Variants in THTPA observed in about 807,000 individuals in gnomAD.
THTPA encodes the protein thiamine triphosphatase, also known as thiamine-triphosphatase.
In THTPA, 16 loss-of-function variants were observed where a neutral mutation model predicts 16.5. The observed-to-expected ratio is 0.97, with a 90% CI of 0.66 to 1.47. The LOEUF is 1.47. THTPA is among the 40% of genes most tolerant of loss of function. The probability of loss-of-function intolerance (pLI) is 0.00; values close to 1 mark genes in which losing one functional copy is unlikely to be tolerated. For synonymous variants in THTPA, 110 were observed against 115.5 expected (o/e 0.95, Z 0.30); for missense variants, 281 against 280.9 (o/e 1.00, Z 0.00).
chr14:23,556,265 C>G, upstream of THTPA: 1 of 155,394 alleles, frequency 6.4e-6, no homozygotes, highest in Non-Finnish European at 1.4e-5. Flanking sequence ...CGGAACTGCT[C>G]CCGGCATTCC....
the THTPA span, among the ~76,000 whole-genome samples, chr14:23,539,642 C>T: frequency 1.3e-5 from 2 of 152,148 alleles, no homozygotes; most frequent in Non-Finnish European, 2.9e-5. Flanking sequence ...GGAGCCATGT[C>T]GTGGATTCAG....
chr14:23,525,095 G>T, the THTPA span: 1 of 1,536,186 alleles, frequency 6.5e-7, no homozygotes, highest in Non-Finnish European at 8.7e-7. This position sits in a 1 kb window ranked among gnomAD's most constrained non-coding sequence, Gnocchi z 5.9. Context: ...GTAGGCGCTA[G>T]TCTCAAAGAA....
the THTPA span, among the ~76,000 whole-genome samples, chr14:23,547,118 G>A: frequency 2.4e-4 from 36 of 152,168 alleles, 1 homozygote; most frequent in Admixed American, 2.4e-3. Context: ...TACATCTCTT[G>A]CCTCCCCCTC....
chr14:23,527,023 T>C, the THTPA span: 2 of 1,461,354 alleles, frequency 1.4e-6, no homozygotes, highest in Non-Finnish European at 1.8e-6. Flanking sequence ...CCACTGCCCC[T>C]ATGCCACTCC....
At chr14:23,526,461 C>T in the THTPA span, 3 of 1,536,050 alleles carry the variant, frequency 2.0e-6, no homozygotes, top group African/African-American at 1.4e-5. Flanking sequence ...GGAGCTGGCT[C>T]TGCAGAGCGG....
the THTPA span, chr14:23,534,894 C>T: frequency 6.5e-7 from 1 of 1,536,104 alleles, no homozygotes; most frequent in Non-Finnish European, 8.7e-7. This position sits in a 1 kb window ranked among gnomAD's most constrained non-coding sequence, Gnocchi z 4.5. Context: ...CCGCCTCACC[C>T]CAGGGGAAGC....
the THTPA span, chr14:23,521,745 G>A: frequency 1.0e-5 from 8 of 776,670 alleles, no homozygotes; most frequent in South Asian, 1.6e-4. Context: ...AGGAGCTGAG[G>A]AGGAGGATCA....
At chr14:23,524,065 T>C in the THTPA span, 2 of 1,520,228 alleles carry the variant, frequency 1.3e-6, no homozygotes, top group South Asian at 2.4e-5. This position sits in a 1 kb window ranked among gnomAD's most constrained non-coding sequence, Gnocchi z 5.6. Flanking sequence ...CTTCCCTCTT[T>C]GGGGCTTCCC....
At chr14:23,533,565 A>C in the THTPA span, 1 of 1,536,388 alleles carries the variant, frequency 6.5e-7, no homozygotes, top group Non-Finnish European at 8.7e-7. This position sits in a 1 kb window ranked among gnomAD's most constrained non-coding sequence, Gnocchi z 4.8. Context: ...CAGAGGTCAT[A>C]TGGATGCGCA....
the THTPA span, among the ~76,000 whole-genome samples, chr14:23,548,856 G>A: frequency 2.0e-5 from 3 of 152,034 alleles, no homozygotes; most frequent in Non-Finnish European, 4.4e-5. Flanking sequence ...CGGCGCCCCC[G>A]CAGTGCTCTC....
chr14:23,513,470 G>C, the THTPA span: 5 of 152,806 alleles, frequency 3.3e-5, no homozygotes, highest in African/African-American at 1.2e-4. Context: ...CCTGGGCATG[G>C]GTGGGGGTTG....
the THTPA span, chr14:23,533,432 A>G: frequency 6.6e-7 from 1 of 1,525,810 alleles, no homozygotes; most frequent in Non-Finnish European, 8.8e-7. The surrounding 1 kb of genome is among the most constrained non-coding windows in gnomAD (Gnocchi z 4.8). Flanking sequence ...AAGTACTGGA[A>G]GAGTTCAGGG....
chr14:23,533,971 G>T, the THTPA span: 1 of 1,537,740 alleles, frequency 6.5e-7, no homozygotes. The surrounding 1 kb of genome is among the most constrained non-coding windows in gnomAD (Gnocchi z 4.8). Context: ...ACACTTGAGT[G>T]TCTTGCAGGA....
At chr14:23,523,217 G>C in the THTPA span, 1 of 1,430,642 alleles carries the variant, frequency 7.0e-7, no homozygotes, top group South Asian at 1.5e-5. The surrounding 1 kb of genome is among the most constrained non-coding windows in gnomAD (Gnocchi z 4.1). Flanking sequence ...ATTGAAAGGA[G>C]CTAAGTTGCC....
In THTPA at chr14:23,559,988, G is replaced by A. The variant is rs753650407; in HGVS notation, c.*1148G>A. The stretch of plus-strand genomic sequence containing the variant: ...AGCTGGGTGATAGGAAGGCCACCCC[G>A]AGCTGGAACTGTGTTCCCACTGGGG... On this transcript the variant is annotated 3_prime_UTR_variant, in exon 2 of 2. Coordinates refer to ENST00000288014, the MANE Select transcript of THTPA (RefSeq NM_024328.6). 4.4e-5 allele frequency: 71 copies of A among 1,612,822 alleles called. No homozygotes were observed. The highest frequency in any genetic ancestry group is 5.3e-5 in the Non-Finnish European group (62 of 1,179,392).
the THTPA span, chr14:23,526,817 C>T: frequency 1.3e-6 from 2 of 1,523,144 alleles, no homozygotes; most frequent in Non-Finnish European, 1.8e-6. Flanking sequence ...TTTCCTGGTA[C>T]CTTGGGAGGT....
chr14:23,550,607 G>T, the THTPA span, among the ~76,000 whole-genome samples: 1 of 152,156 alleles, frequency 6.6e-6, no homozygotes, highest in East Asian at 1.9e-4. Flanking sequence ...GGGGCTACAG[G>T]CACAGCGAGG....
At chr14:23,526,118 C>T in the THTPA span, 6 of 1,536,434 alleles carry the variant, frequency 3.9e-6, no homozygotes, top group East Asian at 7.3e-5. Context: ...TCCCCGAGAG[C>T]GAGTCTGATG....
intron 1 of THTPA, 76 bp from the exon 2 acceptor site, chr14:23,558,619 G>C: frequency 6.3e-7 from 1 of 1,583,684 alleles, no homozygotes; most frequent in Non-Finnish European, 8.6e-7. Context: ...CGGAGTCCTG[G>C]CTAGGTGGGC....
Sources: gnomAD v4.1 joint callset for allele counts (sites outside exome capture counted in the v4.1 genomes callset) on GRCh38, gnomAD v4.1.1 for gene constraint, Gnocchi (gnomAD v3.1) non-coding constraint, MANE v1.5 for transcripts, NCBI Gene and HGNC (gene_info 2026-07-23, HGNC 2026-07-21) for gene names.